The following CORO1C variants were observed in gnomAD, a reference collection of about 807,000 sequenced individuals.
CORO1C encodes the protein coronin-1C.
A neutral mutation model predicts 51.2 loss-of-function variants in CORO1C; 14 were observed. The ratio of observed to expected loss-of-function variants is 0.27; its 90% confidence interval spans 0.18 to 0.43. The LOEUF is 0.43. Ranked by LOEUF, CORO1C falls within the 20% of genes least tolerant of loss-of-function variation. The pLI is 1.00. For missense variants in CORO1C, 417 were observed against 607.8 expected (o/e 0.69, Z 3.30); for synonymous variants, 181 against 210.5 (o/e 0.86, Z 1.21).
At position 108,654,712 on chromosome 12, in the gene CORO1C, T is replaced by C. The variant is rs183271844; in HGVS notation, c.751-302A>G. On this transcript the variant is annotated intron_variant, in intron 6 of 10. Coordinates refer to ENST00000261401, the MANE Select transcript of CORO1C (RefSeq NM_014325.4). Reference sequence around the variant, plus strand: ...TGTTACTGTTTTCTTTTTCTTTTTTTTTTTTTTAAAGACTGAGTCTCCCTC... The same window carrying C: ...TGTTACTGTTTTCTTTTTCTTTTTTCTTTTTTTAAAGACTGAGTCTCCCTC... Among the ~76,000 whole-genome samples, 955 of 152,074 alleles carry C rather than the reference T, an allele frequency of 6.3e-3. 8 individuals carry two copies. The highest frequency in any genetic ancestry group is 8.8e-3 in the Non-Finnish European group (598 of 67,990).
At chr12:108,709,231 A>G (rs753912061) in intron 1 of CORO1C, among the ~76,000 whole-genome samples, 16 of 152,192 alleles carry the variant, frequency 1.1e-4, no homozygotes, top group Non-Finnish European at 2.2e-4. Context: ...AGTACTCAGC[A>G]TAGAATCTGA....
intron 2 of CORO1C, among the ~76,000 whole-genome samples, chr12:108,695,837 A>G (rs947584158): frequency 2.3e-4 from 29 of 128,578 alleles, no homozygotes; most frequent in African/African-American, 8.6e-4. Context: ...GCTATGTATC[A>G]CCCTTGGGAG....
At position 108,702,852 on chromosome 12, in the gene CORO1C, G is replaced by A. The variant is rs746361122; in HGVS notation, c.-5-1529C>T. The A allele has an allele frequency of 2.2e-4, 338 of 1,535,580 alleles. 1 individual carries two copies. Among genetic ancestry groups the A allele is most frequent in the Middle Eastern group, 3.3e-4 (2 of 6,012 alleles). ...TCCAATGCTGGGGGCATGTAGCCGG[G>A]CTGAAGTAAGAGACCCTTGGCAGGC... is the stretch of plus-strand genomic sequence containing the variant. On this transcript the variant is annotated intron_variant, in intron 1 of 10. Coordinates refer to ENST00000261401, the MANE Select transcript of CORO1C (RefSeq NM_014325.4).
At chr12:108,665,336 C>T (rs1157457869) in intron 3 of CORO1C, among the ~76,000 whole-genome samples, 1 of 152,142 alleles carries the variant, frequency 6.6e-6, no homozygotes, top group African/African-American at 2.4e-5. Flanking sequence ...ACGGTTCCCT[C>T]AGCTGGGTTT....
At chr12:108,714,483 TA>T (rs929785134) in intron 1 of CORO1C, among the ~76,000 whole-genome samples, 37 of 150,630 alleles carry the variant, frequency 2.5e-4, no homozygotes, top group African/African-American at 8.3e-4. Flanking sequence ...GGATAGTATC[TA>T]AAAGGTGAGA....
chr12:108,701,090 G>A, intron 2 of CORO1C, 34 bp downstream of exon 2: 1 of 1,598,716 alleles, frequency 6.3e-7, no homozygotes, highest in Non-Finnish European at 8.6e-7. Context: ...ACTATCAGAG[G>A]GTGTCTACCA....
At chr12:108,725,110 C>T (rs796746359) in intron 1 of CORO1C, among the ~76,000 whole-genome samples, 9 of 152,316 alleles carry the variant, frequency 5.9e-5, no homozygotes, top group African/African-American at 2.2e-4. Context: ...ATAGAGAAGA[C>T]TGTCTGAATA....
Position 108,698,721 on chromosome 12 carries a change from A to G in CORO1C, c.195+2403T>C, listed in dbSNP as rs530460461. 3.5e-4 allele frequency among the ~76,000 whole-genome samples: 53 copies of G among 152,240 alleles called. 1 individual carries two copies. The highest frequency in any genetic ancestry group is 4.0e-4 in the Non-Finnish European group (27 of 68,038). On this transcript the variant is annotated intron_variant, in intron 2 of 10. Transcript: ENST00000261401. Reference sequence around the variant, plus strand: ...TGTGCCCGGCCAGAAAATAACTTTTATACACAGCTGCTTATGTTACAGAGA... The same window carrying G: ...TGTGCCCGGCCAGAAAATAACTTTTGTACACAGCTGCTTATGTTACAGAGA...
At position 108,727,872 on chromosome 12, in the gene CORO1C, A is replaced by G. The variant is rs78136895; in HGVS notation, c.-6+3557T>C. On this transcript the variant is annotated intron_variant, in intron 1 of 10. Coordinates refer to ENST00000261401, the MANE Select transcript of CORO1C (RefSeq NM_014325.4). ...GATAAGGCACTTGAATCTAGAATAC[A>G]TGAACAACTTTTATAACACCAATAA... 2.3e-3 allele frequency among the ~76,000 whole-genome samples: 346 copies of G among 152,342 alleles called. 1 individual carries two copies. The highest frequency in any genetic ancestry group is 7.7e-3 in the African/African-American group (322 of 41,572).
intron 2 of CORO1C, among the ~76,000 whole-genome samples, chr12:108,692,571 C>T (rs866772228): frequency 6.6e-6 from 1 of 152,226 alleles, no homozygotes; most frequent in Non-Finnish European, 1.5e-5. Context: ...CTTATCAGCA[C>T]GGCGCCTGGC....
rs768822081 is a variant in CORO1C at position 108,703,041 on chromosome 12, A to G, written c.-5-1718T>C. The G allele has an allele frequency of 5.1e-5, 62 of 1,211,626 alleles. No homozygotes were observed. In the Middle Eastern group the frequency reaches 7.9e-4, roughly 15 times the overall value. 75.1% of individuals were successfully genotyped at this position (1,211,626 alleles called of 1,614,324 possible). A position where few individuals can be genotyped will look rare whatever the true frequency, so the allele number is the denominator to read the frequency against. On this transcript the variant is annotated intron_variant, in intron 1 of 10. Coordinates refer to ENST00000261401, the MANE Select transcript of CORO1C (RefSeq NM_014325.4). ...TGAATACTTCTCAAGCGTGAGTTAG[A>G]TAAGACAGCTTCCATGAGGTGGTGA... is the stretch of plus-strand genomic sequence containing the variant.
intron 2 of CORO1C, among the ~76,000 whole-genome samples, chr12:108,693,395 A>C (rs1205748131): frequency 3.3e-5 from 5 of 152,190 alleles, no homozygotes; most frequent in Non-Finnish European, 1.5e-5. Flanking sequence ...ACGTGACAGA[A>C]GTCACTGCTT....
At chr12:108,667,364 C>T (rs1343181488) in intron 3 of CORO1C, among the ~76,000 whole-genome samples, 3 of 152,226 alleles carry the variant, frequency 2.0e-5, no homozygotes, top group Non-Finnish European at 1.5e-5. Context: ...TGGCTACAGA[C>T]TGGTACTGTA....
chr12:108,701,030 C>A (rs1163858443), intron 2 of CORO1C, 94 bp downstream of exon 2: 6 of 1,387,622 alleles, frequency 4.3e-6, no homozygotes, highest in Non-Finnish European at 6.1e-6. Flanking sequence ...AATGGTTTCA[C>A]AAATACAATT....
chr12:108,716,695 G>T (rs564312548), intron 1 of CORO1C, among the ~76,000 whole-genome samples: 19 of 152,122 alleles, frequency 1.2e-4, no homozygotes, highest in Admixed American at 2.6e-4. Context: ...TAAAATAAAT[G>T]ATTTCTAGGG....
At chr12:108,703,070 GCAAAAGGAAAGCACATCTATA>G (rs1201473100) in intron 1 of CORO1C, 32 of 966,188 alleles carry the variant, frequency 3.3e-5, no homozygotes, top group Non-Finnish European at 4.7e-5. Flanking sequence ...GTGGTGAAAA[GCAAAAGGAAAGCACATCTATA>G]CAAAAGCCAA....
intron 2 of CORO1C, among the ~76,000 whole-genome samples, chr12:108,693,391 C>G (rs538308751): frequency 6.6e-6 from 1 of 152,168 alleles, no homozygotes; most frequent in African/African-American, 2.4e-5. Context: ...ATCAACGTGA[C>G]AGAAGTCACT....
Position 108,647,350 on chromosome 12 carries a change from C to A in CORO1C, c.*53G>T. ...CCTAGGACCACACCAATAACCAGCT[C>A]CCAAGCACAAGTTCTTGCTCCCATT... On this transcript the variant is annotated 3_prime_UTR_variant, in exon 11 of 11. Transcript: ENST00000261401. 6.3e-7 allele frequency: 1 copy of A among 1,593,272 alleles called. No individual in the cohort carries two copies. The highest frequency in any genetic ancestry group is 8.6e-7 in the Non-Finnish European group (1 of 1,168,496).
intron 2 of CORO1C, among the ~76,000 whole-genome samples, chr12:108,695,170 C>G (rs1026758241): frequency 2.0e-5 from 3 of 152,162 alleles, no homozygotes; most frequent in African/African-American, 7.2e-5. Flanking sequence ...CTGGTGCTGG[C>G]AGTCATCAGG....
Sources: gnomAD v4.1 joint callset for allele counts (sites outside exome capture counted in the v4.1 genomes callset) on GRCh38, gnomAD v4.1.1 for gene constraint, MANE v1.5 for transcripts, NCBI Gene and HGNC (gene_info 2026-07-23, HGNC 2026-07-21) for gene names.